ATP8A2: variants seen among roughly 807,000 people sequenced by gnomAD.
The protein encoded by ATP8A2 is phospholipid-transporting ATPase IB.
In ATP8A2, 100 loss-of-function variants were observed where a neutral mutation model predicts 165.6. The observed-to-expected ratio is 0.60, with a 90% confidence interval of 0.51 to 0.71. The LOEUF is 0.71. ATP8A2 is among the 30% of genes least tolerant of loss of function. ATP8A2 has a pLI of 0.00. For synonymous variants in ATP8A2, 543 were observed against 548.8 expected (o/e 0.99, Z 0.15); for missense variants, 1,227 against 1,479.5 (o/e 0.83, Z 2.80).
chr13:25,396,133 C>T (rs1474983438), intron 1 of ATP8A2, among the ~76,000 whole-genome samples: 3 of 152,306 alleles, frequency 2.0e-5, no homozygotes, highest in East Asian at 1.9e-4. Flanking sequence ...TGAGCCACCA[C>T]GCCCAGCCCT....
chr13:25,949,950 C>T (rs1156441296), intron 33 of ATP8A2, among the ~76,000 whole-genome samples: 2 of 152,106 alleles, frequency 1.3e-5, no homozygotes, highest in African/African-American at 4.8e-5. Flanking sequence ...TAGGCACACA[C>T]CACCACGCCT....
intron 33 of ATP8A2, among the ~76,000 whole-genome samples, chr13:25,922,096 A>G (rs1954476478): frequency 6.6e-6 from 1 of 152,242 alleles, no homozygotes; most frequent in South Asian, 2.1e-4. Flanking sequence ...TAACCTCAAT[A>G]TAGAAGAATA....
At chr13:25,892,637 CA>C (rs1953408502) in intron 33 of ATP8A2, among the ~76,000 whole-genome samples, 1 of 151,880 alleles carries the variant, frequency 6.6e-6, no homozygotes, top group Non-Finnish European at 1.5e-5. Flanking sequence ...CCACCTGTGT[CA>C]TGCAGGTGTA....
In ATP8A2 at chr13:25,793,030, AGAGAG is replaced by A. The variant is rs1294644190; in HGVS notation, c.2679+18076_2679+18080del. Among the ~76,000 whole-genome samples, 122 of 150,548 alleles carry A rather than the reference AGAGAG, an allele frequency of 8.1e-4. 1 individual carries two copies. Among genetic ancestry groups the A allele is most frequent in the South Asian group, 3.1e-3 (15 of 4,778 alleles). ...GGAGGGCAGGAGAGAAGAGAGGAGA[AGAGAG>A]GAGAAGAGAAGAGAAGAGAAGAGCA... On this transcript the variant is annotated intron_variant, in intron 27 of 36. Transcript: ENST00000381655.
chr13:25,860,092 T>G, intron 30 of ATP8A2, 103 bp from the exon 31 acceptor site: 43 of 668,688 alleles, frequency 6.4e-5, no homozygotes, highest in East Asian at 1.1e-4. Context: ...AAATACTCTG[T>G]GAGTTGATTG....
intron 30 of ATP8A2, among the ~76,000 whole-genome samples, chr13:25,850,181 G>A (rs543345749): frequency 1.9e-4 from 29 of 152,292 alleles, no homozygotes; most frequent in South Asian, 4.1e-4. Flanking sequence ...ATGGGGAGGC[G>A]AAGCCTTCTT....
chr13:25,757,352 T>G (rs946545916), intron 25 of ATP8A2, among the ~76,000 whole-genome samples: 8 of 152,342 alleles, frequency 5.3e-5, no homozygotes, highest in African/African-American at 1.7e-4. Flanking sequence ...AGACCTAGCA[T>G]GCACTTGCCA....
chr13:25,442,176 C>A (rs1260369285), intron 1 of ATP8A2, among the ~76,000 whole-genome samples: 1 of 152,188 alleles, frequency 6.6e-6, no homozygotes, highest in Non-Finnish European at 1.5e-5. Context: ...CACGTTGTAG[C>A]TGCTGTGAAT....
chr13:25,813,946 T>C (rs1284182943), intron 27 of ATP8A2, among the ~76,000 whole-genome samples: 1 of 152,130 alleles, frequency 6.6e-6, no homozygotes, highest in Non-Finnish European at 1.5e-5. Flanking sequence ...TACATCAGCC[T>C]TTTTTCCCTG....
chr13:25,763,034 T>C (rs938157434), intron 25 of ATP8A2, among the ~76,000 whole-genome samples: 13 of 152,132 alleles, frequency 8.5e-5, no homozygotes, highest in African/African-American at 2.9e-4. Flanking sequence ...TTCCGAGAAA[T>C]GCTTCCATGG....
intron 33 of ATP8A2, among the ~76,000 whole-genome samples, chr13:25,919,703 CTTTTAATTCCAA>C (rs999845711): frequency 3.9e-5 from 6 of 152,266 alleles, no homozygotes; most frequent in African/African-American, 1.2e-4. Flanking sequence ...CGGCAGCTGG[CTTTTAATTCCAA>C]TTCCAAAGAT....
intron 2 of ATP8A2, among the ~76,000 whole-genome samples, chr13:25,482,562 T>G (rs181916469): frequency 2.9e-4 from 44 of 152,212 alleles, no homozygotes; most frequent in Admixed American, 6.5e-4. Context: ...CAGGTGTATG[T>G]CTTTCCAGAA....
intron 2 of ATP8A2, among the ~76,000 whole-genome samples, chr13:25,482,812 G>A (rs934508928): frequency 6.6e-6 from 1 of 152,158 alleles, no homozygotes; most frequent in Non-Finnish European, 1.5e-5. Flanking sequence ...GCCTGCTGCC[G>A]TCCATGTAAG....
At chr13:25,795,810 C>T (rs1050357985) in intron 27 of ATP8A2, among the ~76,000 whole-genome samples, 2 of 152,122 alleles carry the variant, frequency 1.3e-5, no homozygotes, top group African/African-American at 4.8e-5. Flanking sequence ...TTTTCTGGTC[C>T]TTTATTGAAC....
chr13:26,007,989 A>G (rs965013859), intron 35 of ATP8A2, among the ~76,000 whole-genome samples: 4 of 152,210 alleles, frequency 2.6e-5, no homozygotes, highest in African/African-American at 9.6e-5. Context: ...TAGATGAAAG[A>G]AAGAATTACC....
chr13:25,813,070 G>A (rs539359727), intron 27 of ATP8A2, among the ~76,000 whole-genome samples: 2 of 152,196 alleles, frequency 1.3e-5, no homozygotes, highest in South Asian at 4.2e-4. Flanking sequence ...GTGGGGGTTG[G>A]GGAGGGAGAG....
In ATP8A2 at chr13:26,020,113, G is replaced by C; in HGVS notation, c.*128G>C. Reference sequence around the variant, plus strand: ...CAGGAAACACATTTCTGTGGCCTTAGCCAAGCAGTTTGTTAGTTACATATT... The same window carrying C: ...CAGGAAACACATTTCTGTGGCCTTACCCAAGCAGTTTGTTAGTTACATATT... On this transcript the variant is annotated 3_prime_UTR_variant, in exon 37 of 37. Coordinates refer to ENST00000381655, the MANE Select transcript of ATP8A2 (RefSeq NM_016529.6). The C allele has an allele frequency of 2.9e-6, 2 of 701,086 alleles. No individual in the cohort carries two copies. Among genetic ancestry groups the C allele is most frequent in the East Asian group, 2.7e-5 (1 of 37,090 alleles). 43.4% of individuals were successfully genotyped at this position (701,086 alleles called of 1,614,324 possible).
chr13:25,749,084 T>A (rs1182091618), intron 25 of ATP8A2, among the ~76,000 whole-genome samples: 3 of 152,200 alleles, frequency 2.0e-5, no homozygotes, highest in Non-Finnish European at 2.9e-5. Context: ...TTGACTAACA[T>A]GAAATTGTGG....
chr13:25,609,780 C>T (rs1424483815), intron 24 of ATP8A2, among the ~76,000 whole-genome samples: 1 of 144,354 alleles, frequency 6.9e-6, no homozygotes, highest in Non-Finnish European at 1.6e-5. Flanking sequence ...TCCACACCAA[C>T]ACCTATTTTT....
Sources: allele counts gnomAD v4.1 joint callset (sites outside exome capture counted in the v4.1 genomes callset), GRCh38; gene constraint gnomAD v4.1.1; transcripts MANE v1.5; gene names NCBI Gene and HGNC (gene_info 2026-07-23, HGNC 2026-07-21).